Variants in MAGI3 observed in about 807,000 individuals in gnomAD.
The protein encoded by MAGI3 is membrane associated guanylate kinase, WW and PDZ domain containing 3.
Under a neutral mutation model 121.8 loss-of-function variants are expected in MAGI3, and 43 were observed. The ratio of observed to expected loss-of-function variants is 0.35; its 90% CI spans 0.28 to 0.46. MAGI3 has a LOEUF of 0.46. Ranked by LOEUF, MAGI3 falls within the 20% of genes least tolerant of loss-of-function variation. MAGI3 has a pLI of 1.00. For missense variants in MAGI3, 1,547 were observed against 1,797.3 expected, an observed-to-expected ratio of 0.86 and a Z score of 2.52; for synonymous variants, 553 against 639.3, an observed-to-expected ratio of 0.86 and a Z score of 2.04.
chr1:113,470,698 C>T (rs1655499994), intron 1 of MAGI3, among the ~76,000 whole-genome samples: 1 of 152,138 alleles, frequency 6.6e-6, no homozygotes, highest in South Asian at 2.1e-4. Flanking sequence ...CCCATTTCCT[C>T]ATCCCCTGAT....
chr1:113,425,627 T>C (rs1050247908), intron 1 of MAGI3, among the ~76,000 whole-genome samples: 2 of 152,094 alleles, frequency 1.3e-5, no homozygotes, highest in African/African-American at 4.8e-5. Context: ...ATTCAGATTT[T>C]CTTCATCTTG....
chr1:113,427,635 T>C (rs1653078758), intron 1 of MAGI3, among the ~76,000 whole-genome samples: 1 of 152,212 alleles, frequency 6.6e-6, no homozygotes, highest in Non-Finnish European at 1.5e-5. Flanking sequence ...CTTACTACCG[T>C]ACCTTCCAAA....
At chr1:113,475,171 T>A (rs1655750144) in intron 1 of MAGI3, among the ~76,000 whole-genome samples, 1 of 152,218 alleles carries the variant, frequency 6.6e-6, no homozygotes. Context: ...TATATAATCA[T>A]GTCATCTGCA....
intron 2 of MAGI3, among the ~76,000 whole-genome samples, chr1:113,577,845 G>A (rs750186645): frequency 6.6e-5 from 10 of 152,106 alleles, no homozygotes; most frequent in Non-Finnish European, 1.2e-4. Flanking sequence ...AGTTCCTCCT[G>A]CCCTTTCGAT....
Position 113,508,550 on chromosome 1 carries a change from T to G in MAGI3, c.317-40965T>G, listed in dbSNP as rs759191611. 5.1e-4 allele frequency among the ~76,000 whole-genome samples: 77 copies of G among 152,188 alleles called. 4 individuals are homozygous for G. Among genetic ancestry groups the G allele is most frequent in the Non-Finnish European group, 2.6e-4 (18 of 68,032 alleles). On this transcript the variant is annotated intron_variant, in intron 1 of 20. Coordinates refer to ENST00000307546, the MANE Select transcript of MAGI3 (RefSeq NM_001142782.2). ...TATCACAGTTCCTAGTAAGCCAAGC[T>G]TGTTTCTGACAGCTATGGAGGATGT... is the stretch of plus-strand genomic sequence containing the variant.
intron 6 of MAGI3, among the ~76,000 whole-genome samples, chr1:113,604,519 A>T (rs1271581946): frequency 7.6e-6 from 1 of 131,026 alleles, no homozygotes; most frequent in Non-Finnish European, 1.6e-5. Flanking sequence ...GTGAGCTGAG[A>T]TCATGCCACT....
chr1:113,471,099 A>G (rs1234314360), intron 1 of MAGI3, among the ~76,000 whole-genome samples: 1 of 152,182 alleles, frequency 6.6e-6, no homozygotes, highest in African/African-American at 2.4e-5. Context: ...ATGGTCTGAA[A>G]TGAGGGTCTA....
intron 1 of MAGI3, among the ~76,000 whole-genome samples, chr1:113,510,344 C>G (rs1657551529): frequency 7.2e-6 from 1 of 137,942 alleles, no homozygotes; most frequent in Admixed American, 7.8e-5. Context: ...ACATTTAATC[C>G]TAGGCCTTGA....
At chr1:113,665,449 C>T (rs1653993537) in intron 16 of MAGI3, among the ~76,000 whole-genome samples, 2 of 151,994 alleles carry the variant, frequency 1.3e-5, no homozygotes, top group Non-Finnish European at 2.9e-5. Context: ...ACCTATCTGT[C>T]TCCCTGTTTC....
chr1:113,643,863 T>C, intron 11 of MAGI3, 89 bp downstream of exon 11: 1 of 1,316,908 alleles, frequency 7.6e-7, no homozygotes, highest in Non-Finnish European at 1.1e-6. Flanking sequence ...ACTGTGGTGA[T>C]GATTATCGAC....
intron 1 of MAGI3, among the ~76,000 whole-genome samples, chr1:113,473,270 T>A (rs1008346484): frequency 6.6e-5 from 10 of 152,208 alleles, no homozygotes. Context: ...TTATTTATTT[T>A]TTTATTATAC....
At position 113,405,478 on chromosome 1, in the gene MAGI3, A is replaced by AGG. The variant is rs1225967537; in HGVS notation, c.316+14129_316+14130insGG. ...GGCAACAGAGTGAAACTGTCTCAAA[A>AGG]AAAAAAAAAAAAAAAAAAAAAAAAG... is the stretch of plus-strand genomic sequence containing the variant. On this transcript the variant is annotated intron_variant, in intron 1 of 20. Transcript: ENST00000307546. Among the ~76,000 whole-genome samples the AGG allele has an allele frequency of 1.9e-3, 249 of 133,120 alleles. 1 individual carries two copies. Among genetic ancestry groups the AGG allele is most frequent in the African/African-American group, 6.4e-3 (242 of 37,954 alleles). 87.3% of individuals were successfully genotyped at this position (133,120 alleles called of 152,430 possible). A position where few individuals can be genotyped will look rare whatever the true frequency, so the allele number is the denominator to read the frequency against.
chr1:113,485,000 G>T, intron 1 of MAGI3, among the ~76,000 whole-genome samples: 1 of 151,758 alleles, frequency 6.6e-6, no homozygotes, highest in Non-Finnish European at 1.5e-5. Context: ...CCAAAGTGCT[G>T]GGATTACAGG....
At chr1:113,530,540 C>A (rs1013298443) in intron 1 of MAGI3, among the ~76,000 whole-genome samples, 3 of 151,844 alleles carry the variant, frequency 2.0e-5, no homozygotes, top group Non-Finnish European at 2.9e-5. Flanking sequence ...GTACACCAAG[C>A]CCCCATGACA....
At chr1:113,652,565 C>G (rs1296166997) in intron 14 of MAGI3, among the ~76,000 whole-genome samples, 1 of 151,912 alleles carries the variant, frequency 6.6e-6, no homozygotes, top group African/African-American at 2.4e-5. Flanking sequence ...GTTATACAAC[C>G]TACGCTCTTC....
chr1:113,425,511 C>T (rs1175971847), intron 1 of MAGI3, among the ~76,000 whole-genome samples: 1 of 151,830 alleles, frequency 6.6e-6, no homozygotes, highest in Non-Finnish European at 1.5e-5. Flanking sequence ...ATCTCCATCT[C>T]CTGACCTCGT....
At chr1:113,540,143 G>C (rs1659215766) in intron 1 of MAGI3, among the ~76,000 whole-genome samples, 1 of 152,122 alleles carries the variant, frequency 6.6e-6, no homozygotes, top group South Asian at 2.1e-4. Context: ...AAGGGTTTGT[G>C]TGTCTTTGAA....
intron 1 of MAGI3, among the ~76,000 whole-genome samples, chr1:113,465,032 C>T (rs1363712239): frequency 5.9e-5 from 9 of 152,016 alleles, no homozygotes; most frequent in Non-Finnish European, 1.3e-4. Context: ...TGCTGTGTGG[C>T]CTTGTGCTTT....
intron 1 of MAGI3, among the ~76,000 whole-genome samples, chr1:113,443,424 G>A (rs1570683490): frequency 6.6e-6 from 1 of 152,120 alleles, no homozygotes; most frequent in Non-Finnish European, 1.5e-5. Context: ...CATACACTAG[G>A]TTTTGGATAT....
Sources: gnomAD v4.1 joint callset for allele counts (sites outside exome capture counted in the v4.1 genomes callset) on GRCh38, gnomAD v4.1.1 for gene constraint, MANE v1.5 for transcripts, NCBI Gene and HGNC (gene_info 2026-07-23, HGNC 2026-07-21) for gene names.